Variants in DAB1 observed in about 807,000 individuals in gnomAD.
DAB1 encodes disabled homolog 1.
In DAB1, 15 loss-of-function variants were observed where a neutral mutation model predicts 64.6. That is an observed-to-expected ratio of 0.23 (90% confidence interval 0.16 to 0.36). DAB1 has a LOEUF of 0.36. DAB1 is among the 10% of genes least tolerant of loss of function. The pLI is 1.00. For missense variants in DAB1, 596 were observed against 706.7 expected (o/e 0.84, Z 1.78); for synonymous variants, 235 against 251.9 (o/e 0.93, Z 0.64).
intron 2 of DAB1, among the ~76,000 whole-genome samples, chr1:58,514,489 CA>C (rs897973472): frequency 7.9e-5 from 12 of 152,294 alleles, no homozygotes; most frequent in African/African-American, 2.9e-4. Context: ...GACACTCCAA[CA>C]AAGCTCCTGT....
chr1:57,299,410 A>C (rs979720753), intron 1 of DAB1, among the ~76,000 whole-genome samples: 1 of 152,216 alleles, frequency 6.6e-6, no homozygotes, highest in Non-Finnish European at 1.5e-5. Context: ...CAAGGCAAAG[A>C]GGGAGGGAAT....
chr1:58,005,516 C>T (rs779197222), intron 5 of DAB1, among the ~76,000 whole-genome samples: 7 of 150,598 alleles, frequency 4.6e-5, no homozygotes, highest in Non-Finnish European at 1.0e-4. Context: ...GAAGAGGAAT[C>T]AGTAAACATG....
At chr1:57,128,590 A>G (rs1013700574) in intron 4 of DAB1, among the ~76,000 whole-genome samples, 2 of 152,168 alleles carry the variant, frequency 1.3e-5, no homozygotes, top group African/African-American at 4.8e-5. Context: ...GCCCTTTAAA[A>G]AAAAGTATGC....
chr1:57,014,745 GTA>G, intron 12 of DAB1, 136 bp downstream of exon 12: 2 of 602,880 alleles, frequency 3.3e-6, no homozygotes, highest in Non-Finnish European at 5.5e-6. Flanking sequence ...GCTCATAGTA[GTA>G]TTACTAGTAA....
chr1:57,659,277 A>G (rs1165131813), intron 6 of DAB1, among the ~76,000 whole-genome samples: 4 of 152,230 alleles, frequency 2.6e-5, no homozygotes, highest in Admixed American at 2.6e-4. Flanking sequence ...CCTACTAATT[A>G]GTTTATTATT....
chr1:57,812,694 T>C (rs1159188767), intron 6 of DAB1, among the ~76,000 whole-genome samples: 1 of 152,252 alleles, frequency 6.6e-6, no homozygotes, highest in African/African-American at 2.4e-5. Flanking sequence ...AATGGCATTG[T>C]TAAATGCAAT....
chr1:57,855,485 T>C (rs766663831), intron 1 of DAB1, among the ~76,000 whole-genome samples: 1 of 152,036 alleles, frequency 6.6e-6, no homozygotes, highest in Non-Finnish European at 1.5e-5. Context: ...CTAAAGAAGG[T>C]GAGTTTGTAG....
intron 5 of DAB1, among the ~76,000 whole-genome samples, chr1:57,899,687 T>C (rs1374820134): frequency 6.7e-6 from 1 of 149,762 alleles, no homozygotes; most frequent in Non-Finnish European, 1.5e-5. Flanking sequence ...TCCCAAGGAG[T>C]GAATGGTAGA....
intron 2 of DAB1, among the ~76,000 whole-genome samples, chr1:57,278,494 C>A (rs534103108): frequency 1.3e-5 from 2 of 152,232 alleles, no homozygotes; most frequent in African/African-American, 4.8e-5. Context: ...AAAGCGGAAT[C>A]CTAATGAACA....
intron 2 of DAB1, among the ~76,000 whole-genome samples, chr1:57,256,430 CTCACATG>C (rs1297925462): frequency 3.3e-5 from 5 of 152,040 alleles, no homozygotes; most frequent in African/African-American, 1.2e-4. Context: ...AGCTCTGACT[CTCACATG>C]TCATGTCTTT....
chr1:57,014,954 T>C lies in DAB1; in HGVS notation c.1373A>G (p.Asp458Gly). ...CTGGGAGATGTCAAAGTCATCACAG[T>C]CGTCTGTATCCTGTGCCACCCCGAC... ...NKVGVAQDTD[D>G]CDDFDISQLN... Residue 458 changes from aspartate to glycine, a missense_variant, in exon 12 of 15, where the codon GAC becomes GGC. Physicochemically the swap from Asp to Gly is moderately conservative, Grantham distance 94 (BLOSUM62 -1). Coordinates refer to ENST00000371236, the MANE Select transcript of DAB1 (RefSeq NM_001365792.1). The C allele has an allele frequency of 1.2e-6, 2 of 1,612,842 alleles. No homozygotes were observed. Among genetic ancestry groups the C allele is most frequent in the Non-Finnish European group, 1.7e-6 (2 of 1,179,394 alleles).
intron 3 of DAB1, among the ~76,000 whole-genome samples, chr1:58,414,480 G>A (rs1644699113): frequency 1.3e-5 from 2 of 152,192 alleles, no homozygotes; most frequent in South Asian, 4.1e-4. Flanking sequence ...AATGTATTTT[G>A]TTTAGTGTTT....
intron 5 of DAB1, among the ~76,000 whole-genome samples, chr1:58,018,850 T>C (rs960201316): frequency 6.6e-6 from 1 of 152,106 alleles, no homozygotes; most frequent in African/African-American, 2.4e-5. Flanking sequence ...TAAGAGATGA[T>C]GAATAAAAAA....
At chr1:58,114,326 T>C (rs1157357331) in intron 5 of DAB1, among the ~76,000 whole-genome samples, 1 of 152,194 alleles carries the variant, frequency 6.6e-6, no homozygotes, top group African/African-American at 2.4e-5. Flanking sequence ...TAGAGCCTCC[T>C]GAAGGAGAAA....
intron 3 of DAB1, among the ~76,000 whole-genome samples, chr1:58,384,230 T>G (rs1326775826): frequency 6.6e-6 from 1 of 152,152 alleles, no homozygotes; most frequent in Non-Finnish European, 1.5e-5. Flanking sequence ...TCCTACCATT[T>G]GCTACAACAC....
intron 7 of DAB1, among the ~76,000 whole-genome samples, chr1:57,532,015 T>C (rs890423064): frequency 1.4e-4 from 21 of 152,172 alleles, no homozygotes; most frequent in African/African-American, 4.6e-4. Context: ...TTCAGTATAA[T>C]TTATTTAAGT....
At chr1:57,496,924 G>C (rs867236798) in intron 7 of DAB1, among the ~76,000 whole-genome samples, 14 of 152,224 alleles carry the variant, frequency 9.2e-5, no homozygotes, top group South Asian at 4.2e-4. Context: ...ATGGTGATAT[G>C]CCCCTGCCCT....
upstream of DAB1, among the ~76,000 whole-genome samples, chr1:57,426,874 A>ATATATATATATATATATATATATT (rs57970737): frequency 2.0e-5 from 3 of 149,182 alleles, no homozygotes; most frequent in Non-Finnish European, 3.0e-5. Context: ...ATATATATAT[A>ATATATATATATATATATATATATT]TTTTTTTGAG....
intron 4 of DAB1, among the ~76,000 whole-genome samples, chr1:58,253,215 G>A (rs1660844949): frequency 6.6e-6 from 1 of 152,190 alleles, no homozygotes; most frequent in Non-Finnish European, 1.5e-5. Context: ...ATCTGCCCCA[G>A]GAGCTGTGAA....
Sources: allele counts gnomAD v4.1 joint callset (sites outside exome capture counted in the v4.1 genomes callset), GRCh38; gene constraint gnomAD v4.1.1; transcripts MANE v1.5; gene names NCBI Gene and HGNC (gene_info 2026-07-23, HGNC 2026-07-21).